The following ABCC5 variants were observed in gnomAD, a reference collection of about 807,000 sequenced individuals.
ABCC5 encodes ATP-binding cassette sub-family C member 5.
Under a neutral mutation model 160.9 loss-of-function variants are expected in ABCC5, and 61 were observed. That is an observed-to-expected ratio of 0.38 (90% CI 0.31 to 0.47). ABCC5 has a LOEUF of 0.47. Among genes scored for constraint, ABCC5 ranks in the 20% least tolerant of loss-of-function variants. The probability of loss-of-function intolerance (pLI) is 0.99; values close to 1 mark genes in which losing one functional copy is unlikely to be tolerated. For missense variants in ABCC5, 1,308 were observed against 1,813.3 expected, an observed-to-expected ratio of 0.72 and a Z score of 5.06; for synonymous variants, 666 against 700.6, an observed-to-expected ratio of 0.95 and a Z score of 0.78.
At chr3:184,008,596 C>T (rs754621718) in intron 2 of ABCC5, among the ~76,000 whole-genome samples, 36 of 152,168 alleles carry the variant, frequency 2.4e-4, no homozygotes, top group Admixed American at 1.1e-3. Flanking sequence ...GGTAGATGTG[C>T]GAATGCTTTA....
At chr3:183,964,588 G>A (rs1469048903) in intron 14 of ABCC5, among the ~76,000 whole-genome samples, 2 of 152,172 alleles carry the variant, frequency 1.3e-5, no homozygotes, top group Admixed American at 6.5e-5. Context: ...TGGGGACATG[G>A]ATTTAAGGAC....
chr3:183,973,582 CCTTT>C (rs1282765791), intron 10 of ABCC5, among the ~76,000 whole-genome samples: 9 of 152,146 alleles, frequency 5.9e-5, no homozygotes, highest in East Asian at 3.9e-4. Context: ...AAAAACAAAC[CCTTT>C]CTCTCTTAGA....
rs538987400 is a variant in ABCC5 at position 183,946,943 on chromosome 3, G to GT, written c.3414+380dup. Among the ~76,000 whole-genome samples, 303 of 152,216 alleles carry GT rather than the reference G, an allele frequency of 2.0e-3. 1 individual carries two copies. Among genetic ancestry groups the GT allele is most frequent in the Non-Finnish European group, 3.3e-3 (226 of 68,008 alleles). Reference sequence around the variant, plus strand: ...TCAGGGCCCTGAGAAGAAAATGCACGTAAGAAGCATATTGAGTCTATAACA... The same window carrying GT: ...TCAGGGCCCTGAGAAGAAAATGCACGTTAAGAAGCATATTGAGTCTATAACA... On this transcript the variant is annotated intron_variant, in intron 23 of 29. Coordinates refer to ENST00000334444, the MANE Select transcript of ABCC5 (RefSeq NM_005688.4).
intron 2 of ABCC5, among the ~76,000 whole-genome samples, chr3:184,005,301 G>C (rs898953081): frequency 2.6e-5 from 4 of 152,148 alleles, no homozygotes; most frequent in African/African-American, 9.7e-5. Flanking sequence ...CCATGAGCAG[G>C]CTTTGGTAAG....
intron 10 of ABCC5, 71 bp downstream of exon 10, chr3:183,977,446 C>G: frequency 8.1e-7 from 1 of 1,240,446 alleles, no homozygotes. Context: ...TGGGTGGCCC[C>G]TTGAACAGAG....
At chr3:183,938,128 C>A in intron 25 of ABCC5, 68 bp from the exon 26 acceptor site, 1 of 1,515,406 alleles carries the variant, frequency 6.6e-7, no homozygotes, top group Non-Finnish European at 9.0e-7. Context: ...GCTGGTTTAG[C>A]CTCAGGGCAA....
Position 183,919,987 on chromosome 3 carries a change from A to G in ABCC5, c.*1313T>C, listed in dbSNP as rs1464837025. On this transcript the variant is annotated 3_prime_UTR_variant, in exon 30 of 30. Transcript: ENST00000334444. ...ACATTTTCAGATTTTTGCTTCCACA[A>G]GGTGTTCAGCAAACATGCTAAGGCG... 3.9e-5 allele frequency: 6 copies of G among 152,648 alleles called. No individual in the cohort carries two copies. Among genetic ancestry groups the G allele is most frequent in the Non-Finnish European group, 7.3e-5 (5 of 68,046 alleles). 9.5% of individuals were successfully genotyped at this position (152,648 alleles called of 1,614,324 possible).
chr3:183,938,112 G>A, intron 25 of ABCC5, 52 bp from the exon 26 acceptor site: 1 of 1,587,080 alleles, frequency 6.3e-7, no homozygotes, highest in Non-Finnish European at 8.6e-7. Flanking sequence ...AGTCTGTGAG[G>A]ACAATGCTGG....
chr3:183,925,761 T>G, intron 28 of ABCC5, 42 bp from the exon 29 acceptor site: 2 of 1,591,506 alleles, frequency 1.3e-6, no homozygotes, highest in Non-Finnish European at 8.6e-7. Context: ...ATTAAATTCC[T>G]TTAGCATTCT....
chr3:183,969,657 A>C (rs1298656628), intron 11 of ABCC5, among the ~76,000 whole-genome samples: 1 of 147,598 alleles, frequency 6.8e-6, no homozygotes, highest in Non-Finnish European at 1.5e-5. Flanking sequence ...GTGCTACTGC[A>C]CTCTAGCCTG....
intron 12 of ABCC5, among the ~76,000 whole-genome samples, 193 bp from the exon 13 acceptor site, chr3:183,965,694 G>A (rs1717154535): frequency 6.6e-6 from 1 of 152,216 alleles, no homozygotes; most frequent in South Asian, 2.1e-4. Flanking sequence ...CCTTGCTTAT[G>A]TGTGATGGGA....
chr3:183,951,951 T>C lies in ABCC5; in HGVS notation c.2720A>G (p.Asp907Gly). Residue 907 changes from aspartate (D) to glycine (G), a missense_variant, in exon 19 of 30, where the codon GAC (aspartate) becomes GGC (glycine). By Grantham distance (94) the Asp-to-Gly change is moderately conservative. Coordinates refer to ENST00000334444, the MANE Select transcript of ABCC5 (RefSeq NM_005688.4). This position sits in a 1 kb window ranked among gnomAD's most constrained non-coding sequence, Gnocchi z 4.7. ...GGCATAGTACTGCATATGAGGATTG[T>C]CCTTCATGCTGTCACTCACCGAGGT... is the stretch of plus-strand genomic sequence containing the variant. ...NETSVSDSMK[D>G]NPHMQYYASI... is the part of the protein sequence containing the mutation. 1 of 1,613,390 alleles carries C rather than the reference T, an allele frequency of 6.2e-7. No homozygotes were observed. The highest frequency in any genetic ancestry group is 8.5e-7 in the Non-Finnish European group (1 of 1,179,366).
intron 2 of ABCC5, among the ~76,000 whole-genome samples, chr3:183,999,618 G>A (rs891578800): frequency 1.3e-5 from 2 of 151,770 alleles, no homozygotes; most frequent in South Asian, 4.2e-4. Context: ...TCTATATACA[G>A]CATTTTTTAA....
At chr3:183,964,613 A>C (rs1337135323) in intron 14 of ABCC5, among the ~76,000 whole-genome samples, 2 of 152,226 alleles carry the variant, frequency 1.3e-5, no homozygotes, top group African/African-American at 4.8e-5. Context: ...AAAGTAATTA[A>C]ACCATTCACC....
At chr3:183,932,599 G>T (rs2037378) in intron 26 of ABCC5, among the ~76,000 whole-genome samples, 31,894 of 152,114 alleles carry the variant, frequency 0.21, 4,331 homozygotes, top group Middle Eastern at 0.33. Context: ...TCCTAGCTCT[G>T]CCACTTTTAG....
At chr3:183,948,565 T>C (rs1351157307) in intron 22 of ABCC5, among the ~76,000 whole-genome samples, 2 of 152,152 alleles carry the variant, frequency 1.3e-5, no homozygotes, top group African/African-American at 2.4e-5. Context: ...ATACACAGAA[T>C]AGAAAATTTA....
chr3:183,950,146 G>T (rs1715207866), intron 20 of ABCC5, 21 bp from the exon 21 acceptor site: 2 of 1,597,138 alleles, frequency 1.3e-6, no homozygotes, highest in African/African-American at 2.7e-5. Context: ...AAATAAAGGA[G>T]CAAGTGTCAG....
Position 184,014,258 on chromosome 3 carries a change from A to C in ABCC5, c.129+6T>G, listed in dbSNP as rs755940078. On this transcript the variant is annotated splice_donor_region_variant and intron_variant, in intron 2 of 29. Coordinates refer to ENST00000334444, the MANE Select transcript of ABCC5 (RefSeq NM_005688.4). ...AGGTAAGAGACTCTTAGGAAAGGAA[A>C]CTGACCGGTCGAGTTCTCCTGAACT... The C allele has an allele frequency of 4.3e-6, 7 of 1,611,812 alleles. No homozygotes were observed. The highest frequency in any genetic ancestry group is 5.9e-6 in the Non-Finnish European group (7 of 1,179,082).
chr3:183,942,486 C>A, intron 25 of ABCC5: 1 of 654,958 alleles, frequency 1.5e-6, no homozygotes, highest in Non-Finnish European at 2.8e-6. Flanking sequence ...TGCTGCTCCT[C>A]TTTCGTACTT....
Sources: allele counts gnomAD v4.1 joint callset (sites outside exome capture counted in the v4.1 genomes callset), GRCh38; gene constraint gnomAD v4.1.1; non-coding constraint Gnocchi (gnomAD v3.1); transcripts MANE v1.5; gene names NCBI Gene and HGNC (gene_info 2026-07-23, HGNC 2026-07-21).